SEMA3D: variants seen among roughly 807,000 people sequenced by gnomAD.
SEMA3D encodes semaphorin-3D.
In SEMA3D, 84 loss-of-function variants were observed where a neutral mutation model predicts 100.1. That is an observed-to-expected ratio of 0.84 (90% CI 0.70 to 1.01). SEMA3D has a LOEUF of 1.01. Among genes scored for constraint, SEMA3D ranks in the 50% least tolerant of loss-of-function variants. The pLI is 0.00. For synonymous variants in SEMA3D, 312 were observed against 320.7 expected (o/e 0.97, Z 0.29); for missense variants, 875 against 934.1 (o/e 0.94, Z 0.82).
chr7:85,205,565 A>G, the SEMA3D span, among the ~76,000 whole-genome samples: 2 of 151,924 alleles, frequency 1.3e-5, no homozygotes, highest in Non-Finnish European at 2.9e-5. Flanking sequence ...AGAATCAATA[A>G]TTTAAAATAT....
In SEMA3D at chr7:85,117,999, G is replaced by T. The variant is rs532708140; in HGVS notation, c.151+3742C>A. 7.9e-5 allele frequency among the ~76,000 whole-genome samples: 12 copies of T among 151,840 alleles called. No homozygotes were observed. The East Asian group carries it at 1.7e-3, about 22-fold the overall frequency. On this transcript the variant is annotated intron_variant, in intron 3 of 18. Transcript: ENST00000284136. ...CACAAAGAGCATAAGGAATACAAAA[G>T]AACTTTCTAGATATGGCTCCAGTTT...
chr7:85,023,156 G>C (rs1282622073), intron 12 of SEMA3D, among the ~76,000 whole-genome samples: 1 of 151,850 alleles, frequency 6.6e-6, no homozygotes, highest in Non-Finnish European at 1.5e-5. Context: ...CAATTCAACA[G>C]CTCTTCTCCT....
chr7:85,013,906 G>A (rs1431587135), intron 16 of SEMA3D, among the ~76,000 whole-genome samples: 1 of 151,718 alleles, frequency 6.6e-6, no homozygotes, highest in East Asian at 1.9e-4. Flanking sequence ...CAACTAATGA[G>A]CATTCTTGTT....
At chr7:85,179,876 T>A (rs1791351138) in intron 1 of SEMA3D, among the ~76,000 whole-genome samples, 1 of 152,086 alleles carries the variant, frequency 6.6e-6, no homozygotes, top group Non-Finnish European at 1.5e-5. Flanking sequence ...TTAGCCAAGA[T>A]GGTCTTGATC....
Position 85,077,509 on chromosome 7 carries a change from A to T in SEMA3D, c.375+4008T>A, listed in dbSNP as rs80207371. ...CACGAAAAAGGCAAACAGGAAAATT[A>T]AAAAAATATGGGCCGCAGGGATATG... is the stretch of plus-strand genomic sequence containing the variant. On this transcript the variant is annotated intron_variant, in intron 5 of 18. Transcript: ENST00000284136. 3.9e-3 allele frequency among the ~76,000 whole-genome samples: 592 copies of T among 152,200 alleles called. 5 individuals are homozygous for T. The highest frequency in any genetic ancestry group is 0.013 in the African/African-American group (560 of 41,536).
the SEMA3D span, among the ~76,000 whole-genome samples, chr7:85,249,034 C>G: frequency 6.6e-6 from 1 of 152,240 alleles, no homozygotes; most frequent in East Asian, 1.9e-4. Flanking sequence ...ATGTACCACT[C>G]TGATAGGGGA....
At chr7:85,160,203 T>G (rs1041133922) in intron 1 of SEMA3D, among the ~76,000 whole-genome samples, 1 of 144,896 alleles carries the variant, frequency 6.9e-6, no homozygotes, top group Non-Finnish European at 1.6e-5. Flanking sequence ...TAAATACGTG[T>G]TTTTTTTACC....
At chr7:85,139,641 G>A (rs1789984461) in intron 2 of SEMA3D, among the ~76,000 whole-genome samples, 1 of 151,914 alleles carries the variant, frequency 6.6e-6, no homozygotes, top group South Asian at 2.1e-4. Flanking sequence ...TCTAACCTAA[G>A]ATGTCATTTT....
At chr7:85,150,331 A>T (rs1331153198) in intron 2 of SEMA3D, among the ~76,000 whole-genome samples, 3 of 136,732 alleles carry the variant, frequency 2.2e-5, no homozygotes, top group Admixed American at 7.9e-5. Flanking sequence ...TTTCTGTTCT[A>T]AATACTTTTC....
intron 1 of SEMA3D, among the ~76,000 whole-genome samples, chr7:85,184,301 C>A (rs1411683107): frequency 6.6e-6 from 1 of 152,250 alleles, no homozygotes; most frequent in Non-Finnish European, 1.5e-5. Flanking sequence ...TATCTCAGTT[C>A]GTGCCCTTAC....
At chr7:85,192,000 T>C (rs1204141548), upstream of SEMA3D, among the ~76,000 whole-genome samples, 3 of 152,146 alleles carry the variant, frequency 2.0e-5, no homozygotes, top group Non-Finnish European at 4.4e-5. Context: ...CTGTAAGACA[T>C]GTTTATTTTT....
At chr7:85,129,046 T>G (rs1442395946) in intron 2 of SEMA3D, among the ~76,000 whole-genome samples, 3 of 151,822 alleles carry the variant, frequency 2.0e-5, no homozygotes, top group Non-Finnish European at 4.4e-5. Flanking sequence ...CATGTGCCAC[T>G]TGCCCAGCTA....
chr7:85,027,465 C>A (rs28517442), intron 12 of SEMA3D, among the ~76,000 whole-genome samples: 40 of 151,844 alleles, frequency 2.6e-4, no homozygotes, highest in African/African-American at 7.7e-4. Context: ...TTTTGTTAGA[C>A]AAAGATTTGA....
chr7:85,235,634 G>A, the SEMA3D span, among the ~76,000 whole-genome samples: 2 of 152,100 alleles, frequency 1.3e-5, no homozygotes, highest in Non-Finnish European at 2.9e-5. Flanking sequence ...TAATATGGGT[G>A]AAAGATAAAG....
chr7:85,140,191 G>T lies in SEMA3D; in HGVS notation c.-41+13417C>A, dbSNP rs192344321. ...AAGTTTATAAGAGCATTTATTTAAT[G>T]TTTTTTAACATCAATAAAAATGTTT... On this transcript the variant is annotated intron_variant, in intron 2 of 18. Coordinates refer to ENST00000284136, the MANE Select transcript of SEMA3D (RefSeq NM_001384900.1). 8.5e-4 allele frequency: 451 copies of T among 532,704 alleles called. 4 individuals carry two copies. Among genetic ancestry groups the T allele is most frequent in the Non-Finnish European group, 3.3e-4 (138 of 416,712 alleles). 33.0% of individuals were successfully genotyped at this position (532,704 alleles called of 1,614,324 possible). A position where few individuals can be genotyped will look rare whatever the true frequency, so the allele number is the denominator to read the frequency against.
intron 3 of SEMA3D, among the ~76,000 whole-genome samples, chr7:85,114,188 C>T (rs929517897): frequency 1.3e-5 from 2 of 152,056 alleles, no homozygotes; most frequent in African/African-American, 4.8e-5. Context: ...TTTGCCCCAC[C>T]ATAACACAAA....
chr7:85,092,395 A>C (rs1788421477), intron 4 of SEMA3D, among the ~76,000 whole-genome samples: 1 of 152,118 alleles, frequency 6.6e-6, no homozygotes, highest in Admixed American at 6.6e-5. Context: ...TGTTGAACTA[A>C]ATGAAAAAGA....
Position 85,037,029 on chromosome 7 carries a change from T to C in SEMA3D, c.1051A>G (p.Ile351Val), listed in dbSNP as rs1304179922. ...ACACAAACAGCAGAGCCTTTGAAGA[T>C]GGAGCTGGAAAAAAAAAGCATCATC... The part of the protein sequence containing the change: ...VYGVFTTTSS[I>V]FKGSAVCVYS... Residue 351 changes from isoleucine (I) to valine (V), a missense_variant, in exon 12 of 19, where the codon ATC becomes GTC. Physicochemically the swap from Ile to Val is conservative, Grantham distance 29. Transcript: ENST00000284136. The C allele has an allele frequency of 1.2e-6, 2 of 1,608,972 alleles. No homozygotes were observed. The highest frequency in any genetic ancestry group is 1.7e-5 in the Admixed American group (1 of 59,000).
chr7:85,135,846 T>C (rs1789849812), intron 2 of SEMA3D, among the ~76,000 whole-genome samples: 1 of 151,712 alleles, frequency 6.6e-6, no homozygotes, highest in South Asian at 2.1e-4. Flanking sequence ...ATCACGTTTC[T>C]ACTTCTCCTT....
Sources: allele counts gnomAD v4.1 joint callset (sites outside exome capture counted in the v4.1 genomes callset), GRCh38; gene constraint gnomAD v4.1.1; transcripts MANE v1.5; gene names NCBI Gene and HGNC (gene_info 2026-07-23, HGNC 2026-07-21).